Variants in CALD1 observed in about 807,000 individuals in gnomAD.
The protein encoded by CALD1 is caldesmon.
A neutral mutation model predicts 99.9 loss-of-function variants in CALD1; 33 were observed. The observed-to-expected ratio is 0.33, with a 90% confidence interval of 0.25 to 0.44. The LOEUF (loss-of-function observed/expected upper bound fraction) is 0.44. Ranked by LOEUF, CALD1 falls within the 20% of genes least tolerant of loss-of-function variation. The pLI, the probability that CALD1 is intolerant of heterozygous loss-of-function variation, is 1.00. For missense variants in CALD1, 861 were observed against 962.1 expected (o/e 0.89, Z 1.39); for synonymous variants, 310 against 325.0 (o/e 0.95, Z 0.50).
chr7:134,827,969 G>A (rs1254058054), intron 1 of CALD1, among the ~76,000 whole-genome samples: 4 of 152,166 alleles, frequency 2.6e-5, no homozygotes, highest in Non-Finnish European at 4.4e-5. Flanking sequence ...GCCTGTGACT[G>A]GGCAAAGGGG....
intron 11 of CALD1, among the ~76,000 whole-genome samples, chr7:134,959,109 C>T (rs1445721060): frequency 6.6e-6 from 1 of 151,676 alleles, no homozygotes; most frequent in African/African-American, 2.4e-5. Flanking sequence ...TAGTTACTAT[C>T]TTTCCTTTCT....
the CALD1 span, among the ~76,000 whole-genome samples, chr7:134,720,017 G>A: frequency 1.9e-4 from 29 of 152,224 alleles, no homozygotes; most frequent in African/African-American, 5.8e-4. Flanking sequence ...CTTAACCCCC[G>A]CTTTGGTTAG....
At chr7:134,940,497 C>T (rs953110875) in intron 6 of CALD1, among the ~76,000 whole-genome samples, 4 of 152,162 alleles carry the variant, frequency 2.6e-5, no homozygotes, top group African/African-American at 7.2e-5. Context: ...GACATGTTCT[C>T]ACAGACCCCA....
At chr7:134,966,565 G>GA (rs1415024722) in intron 14 of CALD1, among the ~76,000 whole-genome samples, 2 of 152,144 alleles carry the variant, frequency 1.3e-5, no homozygotes, top group Non-Finnish European at 2.9e-5. Flanking sequence ...TTGCAGCTGA[G>GA]AAAAATGAGG....
intron 1 of CALD1, among the ~76,000 whole-genome samples, chr7:134,789,396 C>T (rs1036853553): frequency 6.6e-6 from 1 of 152,134 alleles, no homozygotes; most frequent in East Asian, 1.9e-4. Flanking sequence ...ACTGAGACTC[C>T]TCTTTTGTAT....
chr7:134,770,176 C>A (rs1405844351), intron 1 of CALD1, among the ~76,000 whole-genome samples: 1 of 152,170 alleles, frequency 6.6e-6, no homozygotes, highest in Non-Finnish European at 1.5e-5. Flanking sequence ...TTGTTTCTTG[C>A]TCCCGTCACA....
intron 6 of CALD1, among the ~76,000 whole-genome samples, chr7:134,938,888 C>G (rs553629854): frequency 6.6e-6 from 1 of 152,024 alleles, no homozygotes; most frequent in East Asian, 1.9e-4. Context: ...CTTTTGGGAC[C>G]AGTAAATCAG....
chr7:134,797,051 G>C (rs1563008073), intron 1 of CALD1, among the ~76,000 whole-genome samples: 1 of 151,604 alleles, frequency 6.6e-6, no homozygotes, highest in African/African-American at 2.4e-5. Context: ...TTGAGAAAAA[G>C]CCTTGCTCTG....
intron 1 of CALD1, among the ~76,000 whole-genome samples, chr7:134,832,151 G>T (rs1158335073): frequency 6.6e-6 from 1 of 152,210 alleles, no homozygotes; most frequent in Admixed American, 6.5e-5. Flanking sequence ...CCTTCTTCCA[G>T]CAGAGAGTAC....
At chr7:134,841,032 G>C (rs1322197579) in intron 1 of CALD1, among the ~76,000 whole-genome samples, 1 of 152,128 alleles carries the variant, frequency 6.6e-6, no homozygotes, top group Non-Finnish European at 1.5e-5. Flanking sequence ...GCTGAAAAGG[G>C]GGAACTTGGT....
intron 7 of CALD1, 71 bp from the exon 8 acceptor site, chr7:134,947,437 G>A (rs1563122950): frequency 8.2e-6 from 12 of 1,459,446 alleles, no homozygotes; most frequent in Non-Finnish European, 1.1e-5. Flanking sequence ...GCCGCAGACC[G>A]ACCTCCCCTT....
At position 134,947,541 on chromosome 7, in the gene CALD1, G is replaced by A. The variant is rs1457471198; in HGVS notation, c.1566G>A (p.Lys522=). Residue 522 remains lysine (K), a synonymous_variant, in exon 8 of 15, where the codon AAG becomes AAA. Transcript: ENST00000361675. ...RPGGRASVDT[K]EAEGAPQVEA... is the part of the protein sequence containing the mutation. ...GAGGGAGGGCCAGCGTGGACACCAA[G>A]GAGGCTGAGGGCGCCCCCCAGGTGG... 6.4e-7 allele frequency: 1 copy of A among 1,565,304 alleles called. No individual in the cohort carries two copies.
At chr7:134,728,517 T>C in the CALD1 span, among the ~76,000 whole-genome samples, 1 of 152,338 alleles carries the variant, frequency 6.6e-6, no homozygotes, top group Admixed American at 6.5e-5. Context: ...ACACCTCCAC[T>C]TGTTATAGTT....
the CALD1 span, among the ~76,000 whole-genome samples, chr7:134,712,057 G>A: frequency 9.7e-5 from 12 of 123,502 alleles, no homozygotes; most frequent in Admixed American, 1.6e-4. Flanking sequence ...GAGGGAGGGA[G>A]GGAGGGAGGG....
intron 1 of CALD1, among the ~76,000 whole-genome samples, 195 bp from the exon 2 acceptor site, chr7:134,843,689 T>C (rs1262873432): frequency 1.3e-5 from 2 of 152,246 alleles, no homozygotes; most frequent in South Asian, 2.1e-4. Context: ...TCAGAATAAA[T>C]GGATGGACTT....
At chr7:134,788,354 A>G (rs1429495444) in intron 1 of CALD1, among the ~76,000 whole-genome samples, 2 of 152,204 alleles carry the variant, frequency 1.3e-5, no homozygotes, top group Admixed American at 6.5e-5. Flanking sequence ...GAAATTGACC[A>G]TGATGGAAGT....
At chr7:134,732,643 T>C in the CALD1 span, among the ~76,000 whole-genome samples, 125 of 152,334 alleles carry the variant, frequency 8.2e-4, 1 homozygote, top group East Asian at 0.021. Context: ...AAATCTAAGA[T>C]ATTTTGTTAT....
intron 3 of CALD1, among the ~76,000 whole-genome samples, chr7:134,890,982 G>C (rs572113091): frequency 6.6e-6 from 1 of 152,288 alleles, no homozygotes; most frequent in African/African-American, 2.4e-5. Context: ...TTCTCAGTGG[G>C]AACTGTTTGC....
At position 134,868,394 on chromosome 7, in the gene CALD1, G is replaced by A. The variant is rs563568893; in HGVS notation, c.71+590G>A. On this transcript the variant is annotated intron_variant, in intron 3 of 14. Coordinates refer to ENST00000361675, the MANE Select transcript of CALD1 (RefSeq NM_033138.4). ...GGTGGCTATGAGGTCAAATTGGGGA[G>A]ATAAAGCATTGGCATATAAAACCTG... Among the ~76,000 whole-genome samples the A allele has an allele frequency of 8.5e-5, 13 of 152,288 alleles. No homozygotes were observed. In the East Asian group the frequency reaches 2.1e-3, roughly 25 times the overall value.
Sources: allele counts gnomAD v4.1 joint callset (sites outside exome capture counted in the v4.1 genomes callset), GRCh38; gene constraint gnomAD v4.1.1; transcripts MANE v1.5; gene names NCBI Gene and HGNC (gene_info 2026-07-23, HGNC 2026-07-21).